COL9A1: variants seen among roughly 807,000 people sequenced by gnomAD.
The protein encoded by COL9A1 is collagen type IX alpha 1 chain.
Under a neutral mutation model 142.6 loss-of-function variants are expected in COL9A1, and 104 were observed. The observed-to-expected ratio is 0.73, with a 90% CI of 0.62 to 0.86. The LOEUF (loss-of-function observed/expected upper bound fraction) is 0.86, where lower values mean the gene tolerates loss of function less well. Ranked by LOEUF, COL9A1 falls within the 40% of genes least tolerant of loss-of-function variation. The pLI, the probability that COL9A1 is intolerant of heterozygous loss-of-function variation, is 0.00. For synonymous variants in COL9A1, 466 were observed against 396.0 expected, an observed-to-expected ratio of 1.18 and a Z score of -2.10; for missense variants, 1,210 against 1,176.6, an observed-to-expected ratio of 1.03 and a Z score of -0.42.
intron 33 of COL9A1, among the ~76,000 whole-genome samples, chr6:70,237,074 C>T (rs1205446062): frequency 1.3e-5 from 2 of 152,200 alleles, no homozygotes; most frequent in Non-Finnish European, 2.9e-5. Context: ...CTGCCCACCT[C>T]GGCCTCCCAA....
chr6:70,242,208 G>A (rs567071200), intron 29 of COL9A1, 173 bp from the exon 30 acceptor site: 1 of 676,668 alleles, frequency 1.5e-6, no homozygotes, highest in African/African-American at 1.8e-5. Flanking sequence ...AAGAGGGCGG[G>A]GCCAATGTTC....
At chr6:70,222,074 A>G (rs564576470) in intron 37 of COL9A1, among the ~76,000 whole-genome samples, 1 of 152,360 alleles carries the variant, frequency 6.6e-6, no homozygotes, top group South Asian at 2.1e-4. Flanking sequence ...CACTTTGGGA[A>G]CATAGACTCA....
Position 70,234,561 on chromosome 6 carries a change from C to T in COL9A1, c.2292G>A (p.Gln764=). Reference sequence around the variant, plus strand: ...TACCTTGTATGACTCTCATGCAAACCTGCTTAATGTGCTGATCTGTCGGTG... The same window carrying T: ...TACCTTGTATGACTCTCATGCAAACTTGCTTAATGTGCTGATCTGTCGGTG... The part of the protein sequence containing the change: ...GRAPTDQHIK[Q]VCMRVIQEHF... Residue 764 remains glutamine, a synonymous_variant, in exon 35 of 38, where the codon CAG becomes CAA. Transcript: ENST00000357250. 7 of 1,614,136 alleles carry T rather than the reference C, an allele frequency of 4.3e-6. No homozygotes were observed. Among genetic ancestry groups the T allele is most frequent in the Non-Finnish European group, 5.9e-6 (7 of 1,180,034 alleles).
In COL9A1 at chr6:70,271,700, A is replaced by G; in HGVS notation, c.1098T>C (p.Pro366=). The G allele has an allele frequency of 1.9e-6, 3 of 1,613,816 alleles. No homozygotes were observed. The African/African-American group carries it at 4.0e-5, about 22-fold the overall frequency. ...GCTCTCCAGGGAGTCCTGCTGTCCC[A>G]GGAGGACCCTGAAGTCAACAAATCA... ...GRGIPGPPGP[P]GTAGLPGELG... is the part of the protein sequence containing the mutation. Residue 366 remains proline (P), a synonymous_variant, in exon 14 of 38, where the codon CCT becomes CCC. Coordinates refer to ENST00000357250, the MANE Select transcript of COL9A1 (RefSeq NM_001851.6).
rs1455272626 is a variant in COL9A1, at chr6:70,232,578, C to T, written c.2503+5G>A. ...CTTTGGTTCCACATGGGCAAGATGA[C>T]TTACCTTTAGGTCCCCTCAAACCAA... On this transcript the variant is annotated splice_donor_5th_base_variant and intron_variant, in intron 36 of 37. Transcript: ENST00000357250. 3 of 1,613,614 alleles carry T rather than the reference C, an allele frequency of 1.9e-6. No individual in the cohort carries two copies.
chr6:70,272,969 T>C (rs1179886972), intron 12 of COL9A1, among the ~76,000 whole-genome samples: 2 of 152,210 alleles, frequency 1.3e-5, no homozygotes, highest in Non-Finnish European at 2.9e-5. Context: ...AGAATGGTTT[T>C]TATTCACAGC....
At chr6:70,256,113 C>T (rs1771273766) in intron 21 of COL9A1, among the ~76,000 whole-genome samples, 1 of 152,194 alleles carries the variant, frequency 6.6e-6, no homozygotes, top group Non-Finnish European at 1.5e-5. Flanking sequence ...ACTTTGCTGT[C>T]TTTCCTGCCC....
At chr6:70,278,026 A>AT (rs914106032) in intron 10 of COL9A1, among the ~76,000 whole-genome samples, 1 of 152,180 alleles carries the variant, frequency 6.6e-6, no homozygotes, top group Non-Finnish European at 1.5e-5. Context: ...AGAATAAAAG[A>AT]TTTTTTTAAT....
rs1050364230 is a variant in COL9A1 at position 70,267,319 on chromosome 6, G to GTTTTTTTTTTTTTTTT, written c.1288-550_1288-549insAAAAAAAAAAAAAAAA. ...TACATTTTTTGTTGTTGTTTGTTTG[G>GTTTTTTTTTTTTTTTT]TTTTTTTGTTTTTTTTTTTTGAGAT... On this transcript the variant is annotated intron_variant, in intron 17 of 37. Transcript: ENST00000357250. Among the ~76,000 whole-genome samples the GTTTTTTTTTTTTTTTT allele has an allele frequency of 1.4e-3, 143 of 99,634 alleles. 5 individuals carry two copies. The highest frequency in any genetic ancestry group is 2.4e-3 in the Non-Finnish European group (109 of 45,672). The allele number at this position is 99,634 out of a possible 152,430, so 65.4% of individuals were successfully genotyped here. A position where few individuals can be genotyped will look rare whatever the true frequency, so the allele number is the denominator to read the frequency against.
chr6:70,226,047 C>G, intron 36 of COL9A1, 38 bp from the exon 37 acceptor site: 1 of 1,446,474 alleles, frequency 6.9e-7, no homozygotes, highest in Non-Finnish European at 9.7e-7. Flanking sequence ...TTCTACATAT[C>G]TATAAAAATA....
At chr6:70,246,225 T>TG (rs2127569891) in intron 28 of COL9A1, 2 of 152,174 alleles carry the variant, frequency 1.3e-5, no homozygotes, top group East Asian at 3.9e-4. Context: ...CTAGGCATCA[T>TG]GGCGGGCGCC....
rs6928611 is a variant in COL9A1, at chr6:70,281,062, G to C, written c.877-23C>G. 107,466 of 1,598,954 alleles carry C rather than the reference G, an allele frequency of 0.067. 3,916 individuals carry two copies. Among genetic ancestry groups the C allele is most frequent in the Middle Eastern group, 0.13 (777 of 5,940 alleles). On this transcript the variant is annotated intron_variant, in intron 8 of 37. Coordinates refer to ENST00000357250, the MANE Select transcript of COL9A1 (RefSeq NM_001851.6). ...ACCCTGGAGGGGTAGGAGAAAAAGA[G>C]AGAGCAGTCTATGAGCGGGATAGGC...
Position 70,232,670 on chromosome 6 carries a change from C to T in COL9A1, c.2416G>A (p.Glu806Lys), listed in dbSNP as rs1391517875. 6.2e-7 allele frequency: 1 copy of T among 1,614,082 alleles called. No individual in the cohort carries two copies. Among genetic ancestry groups the T allele is most frequent in the Non-Finnish European group, 8.5e-7 (1 of 1,180,022 alleles). Residue 806 changes from glutamate (E) to lysine (K), a missense_variant, in exon 36 of 38, where the codon GAG (glutamate) becomes AAG (lysine). By Grantham distance (56) the Glu-to-Lys change is moderately conservative. Coordinates refer to ENST00000357250, the MANE Select transcript of COL9A1 (RefSeq NM_001851.6). ...CCCATCTGGCCTGGGAAACCATTCTCTCCAGGAGGGCCGGGGGGACCAGGA... is the reference window on the plus strand; with the variant it reads ...CCCATCTGGCCTGGGAAACCATTCTTTCCAGGAGGGCCGGGGGGACCAGGA... ...GPPGPPGPPG[E>K]NGFPGQMGIR...
In COL9A1 at chr6:70,302,936, A is replaced by G. The variant is rs1284914616; in HGVS notation, c.-12T>C. On this transcript the variant is annotated 5_prime_UTR_variant, in exon 1 of 38. Transcript: ENST00000357250. ...CAGCAGGTCTTCATTTTCCCAGTTG[A>G]TTTTCTTTGTTTGCCAACAGTCCCT... 1.5e-5 allele frequency: 24 copies of G among 1,613,534 alleles called. No individual in the cohort carries two copies. The highest frequency in any genetic ancestry group is 2.0e-5 in the Non-Finnish European group (24 of 1,179,850).
At chr6:70,294,027 G>A (rs190009171) in intron 5 of COL9A1, 140 bp downstream of exon 5, 89 of 1,142,466 alleles carry the variant, frequency 7.8e-5, no homozygotes, top group Admixed American at 4.7e-4. Flanking sequence ...AAGACCAGAA[G>A]CTATCTACTT....
At chr6:70,273,941 TAATAAATAAATAAATAAATA>T in intron 12 of COL9A1, 86 bp downstream of exon 12, 4 of 473,820 alleles carry the variant, frequency 8.4e-6, no homozygotes, top group Non-Finnish European at 1.3e-5. Context: ...TAAAGTATAA[TAATAAATAAATAAATAAATA>T]AATAAATAAA....
chr6:70,235,460 A>C (rs908239166), intron 33 of COL9A1, among the ~76,000 whole-genome samples: 1 of 147,462 alleles, frequency 6.8e-6, no homozygotes, highest in African/African-American at 2.4e-5. Context: ...CTCAAAAATT[A>C]TAATAATAAT....
intron 5 of COL9A1, among the ~76,000 whole-genome samples, chr6:70,284,301 A>G (rs1773353126): frequency 1.3e-5 from 2 of 152,176 alleles, no homozygotes; most frequent in Non-Finnish European, 2.9e-5. Context: ...GGCAATCAGA[A>G]GGACAAGTAG....
rs1055228093 is a variant in COL9A1, at chr6:70,280,360, C to T, written c.975+452G>A. 24 of 1,178,296 alleles carry T rather than the reference C, an allele frequency of 2.0e-5. No individual in the cohort carries two copies. The African/African-American group carries it at 3.6e-4, about 18-fold the overall frequency. 73.0% of individuals were successfully genotyped at this position (1,178,296 alleles called of 1,614,324 possible). The stretch of plus-strand genomic sequence containing the variant: ...AGTGCTCTGGCCCTTTGCCTACCTG[C>T]AGGATCTTTTTCTAAATTAATGCAG... On this transcript the variant is annotated intron_variant, in intron 10 of 37. Coordinates refer to ENST00000357250, the MANE Select transcript of COL9A1 (RefSeq NM_001851.6).
Sources: gnomAD v4.1 joint callset for allele counts (sites outside exome capture counted in the v4.1 genomes callset) on GRCh38, gnomAD v4.1.1 for gene constraint, MANE v1.5 for transcripts, NCBI Gene and HGNC (gene_info 2026-07-23, HGNC 2026-07-21) for gene names.